STARD3NL: variants seen among roughly 807,000 people sequenced by gnomAD.
STARD3NL encodes STARD3 N-terminal-like protein.
A neutral mutation model predicts 30.9 loss-of-function variants in STARD3NL; 17 were observed. The ratio of observed to expected loss-of-function variants is 0.55; its 90% CI spans 0.38 to 0.82. The LOEUF is 0.82. Ranked by LOEUF, STARD3NL falls within the 40% of genes least tolerant of loss-of-function variation. The pLI is 0.00. For synonymous variants in STARD3NL, 112 were observed against 100.5 expected (o/e 1.11, Z -0.69); for missense variants, 234 against 277.6 (o/e 0.84, Z 1.12).
intron 6 of STARD3NL, among the ~76,000 whole-genome samples, chr7:38,217,960 C>A (rs907202809): frequency 6.6e-6 from 1 of 152,196 alleles, no homozygotes. Flanking sequence ...ACTCATGAAT[C>A]CTGCCAAAGC....
chr7:38,227,095 A>G (rs1786813619), intron 7 of STARD3NL, among the ~76,000 whole-genome samples: 2 of 152,182 alleles, frequency 1.3e-5, no homozygotes, highest in South Asian at 4.1e-4. Context: ...GGATTTATTG[A>G]CTTCTTCACT....
At chr7:38,188,980 A>G (rs576222894) in intron 1 of STARD3NL, among the ~76,000 whole-genome samples, 1 of 152,348 alleles carries the variant, frequency 6.6e-6, no homozygotes, top group South Asian at 2.1e-4. Context: ...TTCTAAATCA[A>G]TCTGAGTCTT....
chr7:38,206,785 G>A (rs117775022), intron 1 of STARD3NL, among the ~76,000 whole-genome samples: 157 of 152,100 alleles, frequency 1.0e-3, no homozygotes, highest in Non-Finnish European at 1.2e-3. Context: ...TTTGTTTTTC[G>A]TTTGAGGCAG....
Position 38,219,661 on chromosome 7 carries a change from G to A in STARD3NL, c.649+1G>A. On this transcript the variant is annotated splice_donor_variant, in intron 7 of 8. Coordinates refer to ENST00000009041, the MANE Select transcript of STARD3NL (RefSeq NM_032016.4). LOFTEE classifies it high-confidence loss of function. ...TATTCCCCTCCTGAATCCGAAGCAG[G>A]TAAAAAACTTGATTATTATTTGTGC... is the stretch of plus-strand genomic sequence containing the variant. The A allele has an allele frequency of 6.2e-7, 1 of 1,610,820 alleles. No homozygotes were observed. The highest frequency in any genetic ancestry group is 1.7e-5 in the Admixed American group (1 of 59,946).
At chr7:38,212,716 A>G (rs1010962804) in intron 2 of STARD3NL, among the ~76,000 whole-genome samples, 2 of 152,186 alleles carry the variant, frequency 1.3e-5, no homozygotes, top group African/African-American at 2.4e-5. Flanking sequence ...GGGAATAGGA[A>G]GGAAAGAACT....
At chr7:38,180,061 T>C (rs995706330) in intron 1 of STARD3NL, among the ~76,000 whole-genome samples, 24 of 152,248 alleles carry the variant, frequency 1.6e-4, no homozygotes, top group African/African-American at 5.3e-4. Flanking sequence ...TTGTATCCCA[T>C]GTGAGCCTTA....
chr7:38,213,129 C>A (rs1785904542), intron 2 of STARD3NL, among the ~76,000 whole-genome samples: 2 of 152,094 alleles, frequency 1.3e-5, no homozygotes, highest in Non-Finnish European at 2.9e-5. Context: ...GTAGAGAACT[C>A]CTGTTTGCTG....
At chr7:38,186,552 A>G (rs539478377) in intron 1 of STARD3NL, among the ~76,000 whole-genome samples, 120 of 152,350 alleles carry the variant, frequency 7.9e-4, no homozygotes, top group African/African-American at 2.6e-3. Context: ...ATTTAGGTCA[A>G]CAATGGACTG....
In STARD3NL at chr7:38,178,263, T is replaced by C. The variant is rs926947937; in HGVS notation, c.-216T>C. The stretch of plus-strand genomic sequence containing the variant: ...GCGTGCTGACGTCACGGGCCGGAGG[T>C]CCCGGGGCTGCTGGGTGCGGGCGGT... On this transcript the variant is annotated 5_prime_UTR_variant, in exon 1 of 9. Coordinates refer to ENST00000009041, the MANE Select transcript of STARD3NL (RefSeq NM_032016.4). 1.3e-5 allele frequency: 2 copies of C among 152,066 alleles called. No individual in the cohort carries two copies. The highest frequency in any genetic ancestry group is 2.9e-5 in the Non-Finnish European group (2 of 68,112). The allele number at this position is 152,066 out of a possible 1,614,324, so 9.4% of individuals were successfully genotyped here. A position where few individuals can be genotyped will look rare whatever the true frequency, so the allele number is the denominator to read the frequency against.
intron 1 of STARD3NL, among the ~76,000 whole-genome samples, chr7:38,193,936 A>G (rs1784798729): frequency 6.6e-6 from 1 of 152,108 alleles, no homozygotes; most frequent in Non-Finnish European, 1.5e-5. Flanking sequence ...TCCTAGCTTT[A>G]TTTAATAATA....
At chr7:38,216,719 C>T in intron 4 of STARD3NL, 1 of 388,344 alleles carries the variant, frequency 2.6e-6, no homozygotes, top group Non-Finnish European at 4.7e-6. Flanking sequence ...TCTTCATGTG[C>T]TTGTAGAGGC....
intron 5 of STARD3NL, 47 bp downstream of exon 5, chr7:38,217,125 A>G (rs1216488768): frequency 6.2e-7 from 1 of 1,613,758 alleles, no homozygotes; most frequent in East Asian, 2.2e-5. Flanking sequence ...TCAGTGATGA[A>G]GCCTCGTTTT....
At chr7:38,192,185 T>C (rs1215661501) in intron 1 of STARD3NL, among the ~76,000 whole-genome samples, 1 of 152,238 alleles carries the variant, frequency 6.6e-6, no homozygotes, top group Admixed American at 6.5e-5. Context: ...TTTCTCTTTC[T>C]CTTTCTGTGT....
intron 7 of STARD3NL, among the ~76,000 whole-genome samples, chr7:38,224,832 A>T (rs947879677): frequency 2.0e-5 from 3 of 152,234 alleles, no homozygotes; most frequent in African/African-American, 7.2e-5. Context: ...TAATAAGAAA[A>T]GAAAAAAAAA....
intron 7 of STARD3NL, among the ~76,000 whole-genome samples, chr7:38,224,645 G>A (rs1351961026): frequency 2.6e-5 from 4 of 152,114 alleles, no homozygotes; most frequent in Non-Finnish European, 5.9e-5. Context: ...TGCCCACCTG[G>A]TAGTCACTTA....
chr7:38,213,640 C>A (rs560695602), intron 2 of STARD3NL, among the ~76,000 whole-genome samples: 1 of 152,018 alleles, frequency 6.6e-6, no homozygotes, highest in Non-Finnish European at 1.5e-5. Flanking sequence ...CATTAGCTGC[C>A]GACACATGTC....
intron 1 of STARD3NL, among the ~76,000 whole-genome samples, chr7:38,182,587 T>C (rs113344432): frequency 5.3e-5 from 8 of 152,172 alleles, no homozygotes; most frequent in Non-Finnish European, 1.2e-4. Flanking sequence ...TGGCAGCCTC[T>C]TACATGATGT....
chr7:38,226,242 T>G (rs1218682247), intron 7 of STARD3NL, among the ~76,000 whole-genome samples: 1 of 458 alleles, frequency 2.2e-3, no homozygotes, highest in Non-Finnish European at 3.5e-3. Flanking sequence ...ACATTGCTGT[T>G]CTTGCTCTTT....
chr7:38,224,117 G>A (rs1786620650), intron 7 of STARD3NL, among the ~76,000 whole-genome samples: 1 of 151,546 alleles, frequency 6.6e-6, no homozygotes, highest in Non-Finnish European at 1.5e-5. Context: ...CAACCATGTT[G>A]TAGCATATAT....
Sources: allele counts gnomAD v4.1 joint callset (sites outside exome capture counted in the v4.1 genomes callset), GRCh38; gene constraint gnomAD v4.1.1; transcripts MANE v1.5; gene names NCBI Gene and HGNC (gene_info 2026-07-23, HGNC 2026-07-21).